Variants in TRIM27 observed in about 807,000 individuals in gnomAD.
The protein encoded by TRIM27 is tripartite motif containing 27.
Under a neutral mutation model 57.6 loss-of-function variants are expected in TRIM27, and 12 were observed. The ratio of observed to expected loss-of-function variants is 0.21; its 90% CI spans 0.13 to 0.34. TRIM27 has a LOEUF of 0.34. Ranked by LOEUF, TRIM27 falls within the 10% of genes least tolerant of loss-of-function variation. TRIM27 has a pLI of 1.00. For missense variants in TRIM27, 403 were observed against 656.8 expected, an observed-to-expected ratio of 0.61 and a Z score of 4.22; for synonymous variants, 266 against 259.0, an observed-to-expected ratio of 1.03 and a Z score of -0.26.
intron 6 of TRIM27, chr6:28,908,047 T>C (rs750754653): frequency 1.2e-5 from 2 of 169,460 alleles, no homozygotes; most frequent in Non-Finnish European, 2.6e-5. Context: ...TCCACCAGAC[T>C]GCCCAGGAAT....
Position 28,923,874 on chromosome 6 carries a change from C to A in TRIM27, c.-242G>T. The A allele has an allele frequency of 2.0e-6, 1 of 506,546 alleles. No homozygotes were observed. The highest frequency in any genetic ancestry group is 3.4e-6 in the Non-Finnish European group (1 of 290,446). The allele number at this position is 506,546 out of a possible 1,614,324, so 31.4% of individuals were successfully genotyped here. A position where few individuals can be genotyped will look rare whatever the true frequency, so the allele number is the denominator to read the frequency against. ...AATACGGCCGGCTCACCGAGGCTCG[C>A]GGCCACGCTAGTGGGGCAGGAAAGG... On this transcript the variant is annotated 5_prime_UTR_variant, in exon 1 of 8. Coordinates refer to ENST00000377199, the MANE Select transcript of TRIM27 (RefSeq NM_006510.5).
intron 3 of TRIM27, among the ~76,000 whole-genome samples, chr6:28,919,315 T>A (rs1362105203): frequency 1.3e-5 from 2 of 152,212 alleles, no homozygotes; most frequent in African/African-American, 4.8e-5. Flanking sequence ...TGGCCCGCCA[T>A]CATCCATTTT....
chr6:28,911,997 G>A (rs9295781), intron 3 of TRIM27, among the ~76,000 whole-genome samples: 2,925 of 152,004 alleles, frequency 0.019, 86 homozygotes, highest in African/African-American at 0.067. Context: ...TAACTTAAGC[G>A]TCCTATGATT....
chr6:28,904,064 ACCT>A lies in TRIM27; in HGVS notation c.*3_*5del, dbSNP rs1772585869. On this transcript the variant is annotated 3_prime_UTR_variant, in exon 8 of 8. Transcript: ENST00000377199. The surrounding 1 kb of genome is among the most constrained non-coding windows in gnomAD (Gnocchi z 6.1). Reference sequence around the variant, plus strand: ...CCAACAGCCCTTTTGGCCTGAATTCACCTCCTCAAGGGGAGGTCTCCATGGAAT... The same window carrying A: ...CCAACAGCCCTTTTGGCCTGAATTCACCTCAAGGGGAGGTCTCCATGGAAT... 13 of 1,609,736 alleles carry A rather than the reference ACCT, an allele frequency of 8.1e-6. No individual in the cohort carries two copies. Among genetic ancestry groups the A allele is most frequent in the Non-Finnish European group, 1.0e-5 (12 of 1,178,086 alleles).
At position 28,904,117 on chromosome 6, in the gene TRIM27, A is replaced by C. The variant is rs987158622; in HGVS notation, c.1495T>G (p.Ser499Ala). 6.2e-7 allele frequency: 1 copy of C among 1,613,078 alleles called. No individual in the cohort carries two copies. Residue 499 changes from serine to alanine, a missense_variant, in exon 8 of 8, where the codon TCT becomes GCT. By Grantham distance (99) the Ser-to-Ala change is moderately conservative. Transcript: ENST00000377199. This position sits in a 1 kb window ranked among gnomAD's most constrained non-coding sequence, Gnocchi z 6.1. ...ICPMSGIDGF[S>A]GHVGNHGHSM... is the part of the protein sequence containing the mutation. ...TGACCATGATTCCCAACATGGCCAG[A>C]AAACCCATCTATCCCACTCATGGGG...
rs868038041 is a variant in TRIM27 at position 28,914,582 on chromosome 6, G to C, written c.748-2864C>G. The stretch of plus-strand genomic sequence containing the variant: ...GTATTTTTATTGAAATTGCAAGGGT[G>C]GGGGGGGGGGGATGAGGGATAACAG... On this transcript the variant is annotated intron_variant, in intron 3 of 7. Transcript: ENST00000377199. Among the ~76,000 whole-genome samples the C allele has an allele frequency of 1.2e-3, 67 of 53,706 alleles. 1 individual carries two copies. Among genetic ancestry groups the C allele is most frequent in the African/African-American group, 4.8e-3 (53 of 10,964 alleles). The allele number at this position is 53,706 out of a possible 152,430, so 35.2% of individuals were successfully genotyped here.
At position 28,923,607 on chromosome 6, in the gene TRIM27, C is replaced by T; in HGVS notation, c.26G>A (p.Cys9Tyr). 1.3e-6 allele frequency: 2 copies of T among 1,593,782 alleles called. No homozygotes were observed. Among genetic ancestry groups the T allele is most frequent in the Non-Finnish European group, 1.7e-6 (2 of 1,168,350 alleles). ...GGGGCAGGTGGTCTCCTGCTGCAGG[C>T]ACTCGGCCACACTCCCGGAGGCCAT... The part of the protein sequence containing the change: MASGSVAE[C>Y]LQQETTCPVC... Residue 9 changes from cysteine (C) to tyrosine (Y), a missense_variant, in exon 1 of 8, where the codon TGC becomes TAC. Transcript: ENST00000377199.
chr6:28,920,046 T>C lies in TRIM27; in HGVS notation c.713A>G (p.Glu238Gly). The C allele has an allele frequency of 9.9e-6, 16 of 1,613,928 alleles. No homozygotes were observed. Among genetic ancestry groups the C allele is most frequent in the Non-Finnish European group, 1.2e-5 (14 of 1,179,994 alleles). Residue 238 changes from glutamate to glycine, a missense_variant, in exon 3 of 8, where the codon GAG becomes GGG. Transcript: ENST00000377199. ...HLSSLIAQLE[E>G]KQQQPTRELL... The stretch of plus-strand genomic sequence containing the variant: ...CTCCCTGGTGGGCTGCTGCTGCTTC[T>C]CTTCTAGCTGAGCGATCAGGCTGCT...
intron 6 of TRIM27, chr6:28,907,685 C>G (rs1772870730): frequency 2.2e-6 from 1 of 451,430 alleles, no homozygotes; most frequent in Non-Finnish European, 4.4e-6. Flanking sequence ...GTAAACATGA[C>G]CATTCATTTA....
At chr6:28,916,233 A>G (rs1213636320) in intron 3 of TRIM27, among the ~76,000 whole-genome samples, 2 of 152,104 alleles carry the variant, frequency 1.3e-5, no homozygotes, top group African/African-American at 4.8e-5. Flanking sequence ...AACATATTAC[A>G]ATATGAATGA....
chr6:28,907,329 GC>G, intron 6 of TRIM27, 67 bp from the exon 7 acceptor site: 1 of 1,502,620 alleles, frequency 6.7e-7, no homozygotes, highest in Non-Finnish European at 9.2e-7. Context: ...AACTAAGGGG[GC>G]TTTGGTTAGT....
intron 3 of TRIM27, among the ~76,000 whole-genome samples, chr6:28,919,509 G>A (rs1033007730): frequency 1.2e-4 from 18 of 152,126 alleles, no homozygotes; most frequent in African/African-American, 4.1e-4. Context: ...AGTCTTGCCG[G>A]GGTAGGTCTG....
At chr6:28,907,569 G>A (rs1264318900) in intron 6 of TRIM27, 4 of 633,208 alleles carry the variant, frequency 6.3e-6, no homozygotes, top group Non-Finnish European at 9.0e-6. Context: ...TGATTCTGCA[G>A]AGGGAAACGC....
chr6:28,922,998 G>C (rs1581522343), intron 1 of TRIM27, among the ~76,000 whole-genome samples: 1 of 152,192 alleles, frequency 6.6e-6, no homozygotes, highest in Admixed American at 6.5e-5. Context: ...ACAGAGAAAA[G>C]AGAGTGGGGG....
intron 3 of TRIM27, 85 bp downstream of exon 3, chr6:28,919,926 AC>A (rs1431587460): frequency 7.8e-7 from 1 of 1,279,350 alleles, no homozygotes; most frequent in Non-Finnish European, 1.1e-6. Context: ...TAAAAAGAAG[AC>A]AGGGGGTCCT....
Position 28,923,232 on chromosome 6 carries a change from T to C in TRIM27, c.401A>G (p.Glu134Gly). The stretch of plus-strand genomic sequence containing the variant: ...CCTCACCTTGAAGCCCTCCACCGCC[T>C]CCTCGAGCGGCAGCACGCTGTGGCC... ...HRGHSVLPLEEAVEGFKEQIQ... is the reference protein window; with the variant it reads ...HRGHSVLPLEGAVEGFKEQIQ... Residue 134 changes from glutamate to glycine, a missense_variant, in exon 1 of 8, where the codon GAG becomes GGG. By Grantham distance (98) the Glu-to-Gly change is moderately conservative. Transcript: ENST00000377199. The C allele has an allele frequency of 1.3e-6, 2 of 1,596,188 alleles. No individual in the cohort carries two copies. Among genetic ancestry groups the C allele is most frequent in the Non-Finnish European group, 1.7e-6 (2 of 1,171,358 alleles).
chr6:28,908,494 T>C (rs373349103), intron 6 of TRIM27: 1 of 365,538 alleles, frequency 2.7e-6, no homozygotes. Flanking sequence ...AAGTGAAACG[T>C]ATCCAAGGTA....
intron 2 of TRIM27, among the ~76,000 whole-genome samples, chr6:28,921,486 A>C (rs1260915315): frequency 6.6e-6 from 1 of 152,212 alleles, no homozygotes; most frequent in Non-Finnish European, 1.5e-5. Flanking sequence ...ATTCAGAATT[A>C]AGGCATTGTT....
chr6:28,921,441 G>A (rs1385306216), intron 2 of TRIM27, among the ~76,000 whole-genome samples: 1 of 151,902 alleles, frequency 6.6e-6, no homozygotes, highest in African/African-American at 2.4e-5. Context: ...CACTTGTTAA[G>A]GCCTTGAGAC....
Sources: gnomAD v4.1 joint callset for allele counts (sites outside exome capture counted in the v4.1 genomes callset) on GRCh38, gnomAD v4.1.1 for gene constraint, Gnocchi (gnomAD v3.1) non-coding constraint, MANE v1.5 for transcripts, NCBI Gene and HGNC (gene_info 2026-07-23, HGNC 2026-07-21) for gene names.